Variants in DAB1 observed in about 807,000 individuals in gnomAD.
The protein encoded by DAB1 is DAB adaptor protein 1.
A neutral mutation model predicts 64.6 loss-of-function variants in DAB1; 15 were observed. That is an observed-to-expected ratio of 0.23 (90% CI 0.16 to 0.36). DAB1 has a LOEUF of 0.36. DAB1 is among the 10% of genes least tolerant of loss of function. The pLI is 1.00. For synonymous variants in DAB1, 235 were observed against 251.9 expected (o/e 0.93, Z 0.64); for missense variants, 596 against 706.7 (o/e 0.84, Z 1.78).
chr1:57,432,708 C>T (rs1570513180), intron 7 of DAB1, among the ~76,000 whole-genome samples: 1 of 152,286 alleles, frequency 6.6e-6, no homozygotes, highest in South Asian at 2.1e-4. Context: ...AATATGTCCC[C>T]TCTATTATTT....
intron 7 of DAB1, among the ~76,000 whole-genome samples, chr1:57,532,759 G>C (rs1644680695): frequency 6.6e-6 from 1 of 152,144 alleles, no homozygotes; most frequent in Middle Eastern, 3.2e-3. Context: ...CTCATTTAAA[G>C]GGCAGTCCAC....
At chr1:57,414,063 T>A (rs1684317252) in intron 1 of DAB1, among the ~76,000 whole-genome samples, 1 of 152,216 alleles carries the variant, frequency 6.6e-6, no homozygotes, top group African/African-American at 2.4e-5. Flanking sequence ...CTACTTCTAG[T>A]GAAGATGCTG....
intron 2 of DAB1, among the ~76,000 whole-genome samples, chr1:57,162,972 G>C (rs767215046): frequency 5.4e-4 from 82 of 152,228 alleles, no homozygotes; most frequent in Non-Finnish European, 9.0e-4. Flanking sequence ...CCACCCGACA[G>C]TTGTTCCTAA....
intron 5 of DAB1, among the ~76,000 whole-genome samples, chr1:58,090,729 G>C (rs1455674504): frequency 6.6e-6 from 1 of 152,102 alleles, no homozygotes; most frequent in Non-Finnish European, 1.5e-5. Flanking sequence ...AAGGTCCTTG[G>C]CTGGGCACAC....
chr1:58,546,555 C>G (rs1253857253), intron 1 of DAB1: 1 of 151,472 alleles, frequency 6.6e-6, no homozygotes, highest in Non-Finnish European at 1.5e-5. Context: ...CCTCCCGTAC[C>G]CCCATCCCCA....
chr1:57,151,233 T>C (rs971339), intron 2 of DAB1, among the ~76,000 whole-genome samples: 7,066 of 152,174 alleles, frequency 0.046, 555 homozygotes, highest in African/African-American at 0.16. Flanking sequence ...AAAAAGAACA[T>C]TATAGCAACA....
intron 5 of DAB1, among the ~76,000 whole-genome samples, chr1:58,051,808 G>C (rs1413966785): frequency 6.6e-6 from 1 of 152,206 alleles, no homozygotes; most frequent in Admixed American, 6.5e-5. Context: ...GTGACGATGA[G>C]CATTATTTCA....
At chr1:57,980,618 T>C (rs991362551) in intron 5 of DAB1, among the ~76,000 whole-genome samples, 1 of 152,180 alleles carries the variant, frequency 6.6e-6, no homozygotes, top group African/African-American at 2.4e-5. Flanking sequence ...AATGCTCAGA[T>C]ACTGTAGGTG....
intron 4 of DAB1, among the ~76,000 whole-genome samples, chr1:57,084,924 C>T (rs1349951931): frequency 1.3e-5 from 2 of 152,154 alleles, no homozygotes; most frequent in African/African-American, 4.8e-5. Context: ...TTCTCTTACA[C>T]TAATTGGCCC....
intron 5 of DAB1, among the ~76,000 whole-genome samples, chr1:58,007,434 T>C (rs1570215562): frequency 6.6e-6 from 1 of 152,204 alleles, no homozygotes; most frequent in East Asian, 1.9e-4. Context: ...AATCTTTTTT[T>C]CCCACTTTAA....
chr1:58,115,837 G>A (rs1652290390), intron 5 of DAB1, among the ~76,000 whole-genome samples: 1 of 113,258 alleles, frequency 8.8e-6, no homozygotes, highest in African/African-American at 3.4e-5. Context: ...GGGGACTGTG[G>A]TGGGGTCGGG....
chr1:57,351,564 A>G (rs1022073784), intron 1 of DAB1, among the ~76,000 whole-genome samples: 11 of 152,140 alleles, frequency 7.2e-5, no homozygotes, highest in African/African-American at 2.7e-4. Flanking sequence ...ATAAGGTGAT[A>G]TTAAGGATAG....
At chr1:58,169,152 A>G (rs1179910192) in intron 4 of DAB1, among the ~76,000 whole-genome samples, 1 of 152,314 alleles carries the variant, frequency 6.6e-6, no homozygotes, top group African/African-American at 2.4e-5. Flanking sequence ...AGTGAGCACA[A>G]CTATTCCAAT....
chr1:58,059,503 A>G (rs1483348708), intron 5 of DAB1, among the ~76,000 whole-genome samples: 1 of 152,272 alleles, frequency 6.6e-6, no homozygotes, highest in Non-Finnish European at 1.5e-5. Context: ...GATGCTGGAT[A>G]CACACATGCC....
chr1:58,372,691 G>A (rs887672043), intron 3 of DAB1, among the ~76,000 whole-genome samples: 2 of 152,208 alleles, frequency 1.3e-5, no homozygotes, highest in African/African-American at 2.4e-5. Context: ...GAGGAACCTG[G>A]TGTGGGGTGA....
chr1:57,588,278 C>A (rs188453713), intron 7 of DAB1, among the ~76,000 whole-genome samples: 2 of 152,296 alleles, frequency 1.3e-5, no homozygotes, highest in East Asian at 3.9e-4. Context: ...ACAGCACCCC[C>A]CTACCACCAC....
chr1:58,030,035 G>A (rs953779858), intron 5 of DAB1, among the ~76,000 whole-genome samples: 3 of 151,832 alleles, frequency 2.0e-5, no homozygotes, highest in East Asian at 1.9e-4. Flanking sequence ...GTGAAACCCC[G>A]TCTCTACTAA....
intron 3 of DAB1, among the ~76,000 whole-genome samples, chr1:58,423,036 T>C (rs1401746235): frequency 2.6e-5 from 4 of 152,142 alleles, no homozygotes; most frequent in Non-Finnish European, 4.4e-5. Flanking sequence ...AGAATGGCCG[T>C]TGAGTTCCAA....
At chr1:57,335,046 C>T (rs919928883) in intron 1 of DAB1, among the ~76,000 whole-genome samples, 8 of 152,108 alleles carry the variant, frequency 5.3e-5, no homozygotes, top group Non-Finnish European at 1.2e-4. Flanking sequence ...CACCCCACTG[C>T]GGTCCTTTCA....
Sources: allele counts gnomAD v4.1 joint callset (sites outside exome capture counted in the v4.1 genomes callset), GRCh38; gene constraint gnomAD v4.1.1; transcripts MANE v1.5; gene names NCBI Gene and HGNC (gene_info 2026-07-23, HGNC 2026-07-21).